Variants in CRPPA observed in about 807,000 individuals in gnomAD.
CRPPA encodes CDP-L-ribitol pyrophosphorylase A, also known as D-ribitol-5-phosphate cytidylyltransferase.
CRPPA carries 43 observed loss-of-function variants against 52.0 expected under a neutral mutation model. The observed-to-expected ratio is 0.83, with a 90% CI of 0.65 to 1.07. The LOEUF (loss-of-function observed/expected upper bound fraction) is 1.07. Ranked by LOEUF, CRPPA falls within the 50% of genes least tolerant of loss-of-function variation. The pLI, the probability that CRPPA is intolerant of heterozygous loss-of-function variation, is 0.00. For missense variants in CRPPA, 629 were observed against 551.7 expected (o/e 1.14, Z -1.40); for synonymous variants, 250 against 203.5 (o/e 1.23, Z -1.94).
At chr7:16,097,138 G>T (rs1781951944) in intron 9 of CRPPA, among the ~76,000 whole-genome samples, 2 of 151,676 alleles carry the variant, frequency 1.3e-5, no homozygotes. Context: ...AACCTTTTTT[G>T]CTTGAAAATT....
At chr7:16,117,573 G>T (rs79021554) in intron 9 of CRPPA, among the ~76,000 whole-genome samples, 2 of 151,762 alleles carry the variant, frequency 1.3e-5, no homozygotes, top group African/African-American at 2.4e-5. Context: ...CACACCTTGC[G>T]GGAGCTACGT....
chr7:16,186,974 TA>T (rs1250531618), intron 9 of CRPPA, among the ~76,000 whole-genome samples: 3 of 152,192 alleles, frequency 2.0e-5, no homozygotes, highest in Non-Finnish European at 4.4e-5. Context: ...CATATAATTT[TA>T]ATCTTTGCTC....
intron 6 of CRPPA, among the ~76,000 whole-genome samples, chr7:16,265,700 A>G (rs543015000): frequency 6.6e-6 from 1 of 152,318 alleles, no homozygotes; most frequent in African/African-American, 2.4e-5. Context: ...CCTTTAAAAC[A>G]TATCTCCATT....
intron 6 of CRPPA, among the ~76,000 whole-genome samples, chr7:16,260,158 CAA>C (rs1393542754): frequency 6.6e-6 from 1 of 151,984 alleles, no homozygotes; most frequent in Non-Finnish European, 1.5e-5. Flanking sequence ...GACAATTTTT[CAA>C]AAGTCCTTCA....
intron 8 of CRPPA, among the ~76,000 whole-genome samples, chr7:16,227,443 T>A (rs888726327): frequency 3.9e-5 from 6 of 151,928 alleles, no homozygotes; most frequent in Admixed American, 1.3e-4. Context: ...AGGCATGAGG[T>A]GATATCTCAT....
intron 9 of CRPPA, among the ~76,000 whole-genome samples, chr7:16,117,243 T>G (rs1215893987): frequency 3.9e-5 from 6 of 152,158 alleles, no homozygotes; most frequent in Non-Finnish European, 5.9e-5. Flanking sequence ...GTGAGCTGGT[T>G]TTCATGTCTC....
At chr7:16,398,494 T>C (rs552894868) in intron 2 of CRPPA, among the ~76,000 whole-genome samples, 1 of 151,996 alleles carries the variant, frequency 6.6e-6, no homozygotes, top group Non-Finnish European at 1.5e-5. Flanking sequence ...ATGACCTATA[T>C]CATTGGCACG....
chr7:16,122,295 T>C (rs1351147608), intron 9 of CRPPA, among the ~76,000 whole-genome samples: 1 of 151,952 alleles, frequency 6.6e-6, no homozygotes, highest in Non-Finnish European at 1.5e-5. Flanking sequence ...CTGGCAGCTA[T>C]AAATAATTAA....
chr7:16,370,310 C>T lies in CRPPA; in HGVS notation c.684+5782G>A, dbSNP rs142333031. 1.2e-3 allele frequency among the ~76,000 whole-genome samples: 177 copies of T among 152,264 alleles called. 1 individual carries two copies. The Middle Eastern group carries it at 0.014, about 12-fold the overall frequency. ...TGTGGGGAGATGGGGAGGGACATGG[C>T]CTGAAAGCCATAGTTGCTATTTCTG... On this transcript the variant is annotated intron_variant, in intron 3 of 9. Transcript: ENST00000407010.
intron 9 of CRPPA, among the ~76,000 whole-genome samples, chr7:16,191,304 C>A (rs1278885565): frequency 6.6e-6 from 1 of 152,072 alleles, no homozygotes; most frequent in East Asian, 1.9e-4. Flanking sequence ...TACCACTAAG[C>A]TGAACTTCCA....
intron 9 of CRPPA, among the ~76,000 whole-genome samples, chr7:16,206,468 A>T (rs1401978606): frequency 6.6e-6 from 1 of 152,082 alleles, no homozygotes; most frequent in African/African-American, 2.4e-5. Context: ...TGTGTTTCTG[A>T]ACCCCTCTTT....
At chr7:16,377,045 G>A (rs1342805493) in intron 2 of CRPPA, among the ~76,000 whole-genome samples, 5 of 152,252 alleles carry the variant, frequency 3.3e-5, no homozygotes, top group African/African-American at 1.2e-4. Context: ...ATTGCTACAT[G>A]GGGATGATTG....
rs188706289 is a variant in CRPPA at position 16,278,432 on chromosome 7, C to T, written c.836-206G>A. On this transcript the variant is annotated intron_variant, in intron 5 of 9. Transcript: ENST00000407010. ...CAAGTCCATAAACCTATCCATTGAA[C>T]ACTTTGTGGGTGAAGAACCAGCCAT... Among the ~76,000 whole-genome samples the T allele has an allele frequency of 6.6e-5, 10 of 152,276 alleles. No homozygotes were observed. The East Asian group carries it at 1.9e-3, about 29-fold the overall frequency.
intron 5 of CRPPA, among the ~76,000 whole-genome samples, chr7:16,300,011 C>T (rs369823477): frequency 1.3e-5 from 2 of 152,166 alleles, no homozygotes; most frequent in Non-Finnish European, 2.9e-5. Context: ...GTTGAGGACA[C>T]GACCGACCAC....
intron 9 of CRPPA, among the ~76,000 whole-genome samples, chr7:16,179,405 T>C (rs1341877940): frequency 6.6e-6 from 1 of 151,996 alleles, no homozygotes; most frequent in Non-Finnish European, 1.5e-5. Context: ...AAGTTAAAGA[T>C]CTTGAAATGA....
chr7:16,410,646 C>G (rs947262888), intron 1 of CRPPA, among the ~76,000 whole-genome samples: 2 of 152,178 alleles, frequency 1.3e-5, no homozygotes, highest in African/African-American at 4.8e-5. Flanking sequence ...TCGAGCAAGA[C>G]CCTTCAAGAC....
intron 3 of CRPPA, among the ~76,000 whole-genome samples, chr7:16,372,389 A>G (rs1786771949): frequency 6.6e-6 from 1 of 152,214 alleles, no homozygotes. Flanking sequence ...TTGGGGTCCT[A>G]TCTTTAGCCT....
At chr7:16,120,625 G>A (rs1782463542) in intron 9 of CRPPA, among the ~76,000 whole-genome samples, 1 of 151,960 alleles carries the variant, frequency 6.6e-6, no homozygotes, top group Non-Finnish European at 1.5e-5. Context: ...TTGTTCCTTG[G>A]CTATAAATCT....
chr7:16,217,058 A>G (rs902315064), intron 8 of CRPPA, among the ~76,000 whole-genome samples: 3 of 151,254 alleles, frequency 2.0e-5, no homozygotes, highest in African/African-American at 4.9e-5. Flanking sequence ...AGCTTTGAAG[A>G]GAGCAGTGGT....
Sources: gnomAD v4.1 joint callset for allele counts (sites outside exome capture counted in the v4.1 genomes callset) on GRCh38, gnomAD v4.1.1 for gene constraint, MANE v1.5 for transcripts, NCBI Gene and HGNC (gene_info 2026-07-23, HGNC 2026-07-21) for gene names.